Variants in AFG2A observed in about 807,000 individuals in gnomAD.
AFG2A encodes the protein ATPase family gene 2 protein homolog A.
chr4:122,957,056 T>C, the AFG2A span, among the ~76,000 whole-genome samples: 2 of 152,056 alleles, frequency 1.3e-5, no homozygotes, highest in South Asian at 2.1e-4. Flanking sequence ...GAGTAGATGA[T>C]ATTTTAGTGT....
chr4:123,308,772 A>G, the AFG2A span, among the ~76,000 whole-genome samples: 4 of 152,316 alleles, frequency 2.6e-5, no homozygotes, highest in South Asian at 6.2e-4. Flanking sequence ...TGAACATAGC[A>G]TGCATCTTTT....
chr4:123,243,982 A>G, the AFG2A span, among the ~76,000 whole-genome samples: 2 of 152,162 alleles, frequency 1.3e-5, no homozygotes, highest in Non-Finnish European at 2.9e-5. Context: ...TGATCGCGCT[A>G]CTGCAGTCCA....
At chr4:123,256,068 A>G in the AFG2A span, 1 of 1,614,072 alleles carries the variant, frequency 6.2e-7, no homozygotes, top group Non-Finnish European at 8.5e-7. Context: ...CCTTTACCGG[A>G]TGCAGCAACA....
the AFG2A span, among the ~76,000 whole-genome samples, chr4:123,072,001 T>C: frequency 6.6e-6 from 1 of 152,216 alleles, no homozygotes; most frequent in South Asian, 2.1e-4. Flanking sequence ...CTGTAGTAGA[T>C]ATTTCAGCTT....
At chr4:122,939,226 C>T in the AFG2A span, among the ~76,000 whole-genome samples, 1 of 151,888 alleles carries the variant, frequency 6.6e-6, no homozygotes, top group Non-Finnish European at 1.5e-5. Context: ...GCTGGGATTA[C>T]AGGCATGTAC....
the AFG2A span, among the ~76,000 whole-genome samples, chr4:123,300,718 TA>T: frequency 1.3e-5 from 2 of 151,394 alleles, no homozygotes; most frequent in Admixed American, 6.6e-5. Flanking sequence ...CTAGTGTGCT[TA>T]AATTTTCAGT....
At chr4:123,254,487 G>T in the AFG2A span, among the ~76,000 whole-genome samples, 1 of 152,126 alleles carries the variant, frequency 6.6e-6, no homozygotes, top group Admixed American at 6.5e-5. Flanking sequence ...TATAAGTTTT[G>T]AAGTCAAGTA....
chr4:123,161,080 A>G, the AFG2A span, among the ~76,000 whole-genome samples: 3 of 152,306 alleles, frequency 2.0e-5, no homozygotes, highest in South Asian at 2.1e-4. Context: ...CAATTCTTGC[A>G]TTGTATTGTA....
chr4:123,171,981 G>A, the AFG2A span, among the ~76,000 whole-genome samples: 3 of 151,988 alleles, frequency 2.0e-5, no homozygotes, highest in Admixed American at 6.6e-5. Flanking sequence ...TACACCTTTA[G>A]GAAAACATAG....
the AFG2A span, among the ~76,000 whole-genome samples, chr4:123,174,209 C>T: frequency 6.6e-6 from 1 of 152,164 alleles, no homozygotes; most frequent in African/African-American, 2.4e-5. Context: ...GCAGTGACTA[C>T]ACTTCAAAAT....
At chr4:123,177,835 T>C in the AFG2A span, among the ~76,000 whole-genome samples, 9 of 152,294 alleles carry the variant, frequency 5.9e-5, no homozygotes, top group Admixed American at 3.3e-4. Flanking sequence ...CATGGCCGCA[T>C]AGGGGACTAT....
At chr4:123,058,540 G>A in the AFG2A span, among the ~76,000 whole-genome samples, 1 of 152,156 alleles carries the variant, frequency 6.6e-6, no homozygotes, top group African/African-American at 2.4e-5. Context: ...CAGGAGAATT[G>A]CTTGAGCCCA....
At chr4:122,965,827 A>T in the AFG2A span, among the ~76,000 whole-genome samples, 1 of 152,168 alleles carries the variant, frequency 6.6e-6, no homozygotes, top group Non-Finnish European at 1.5e-5. Flanking sequence ...ATCTTTCATT[A>T]TGGGTTCCAG....
the AFG2A span, among the ~76,000 whole-genome samples, chr4:123,249,638 T>G: frequency 6.6e-6 from 1 of 152,178 alleles, no homozygotes; most frequent in Admixed American, 6.5e-5. Context: ...TTGATATCAC[T>G]GAGTAAACAT....
the AFG2A span, among the ~76,000 whole-genome samples, chr4:123,213,184 A>C: frequency 6.6e-6 from 1 of 152,140 alleles, no homozygotes; most frequent in African/African-American, 2.4e-5. Flanking sequence ...CAATATTTGA[A>C]GTTTTGATAC....
chr4:123,023,126 G>A, the AFG2A span, among the ~76,000 whole-genome samples: 6 of 151,092 alleles, frequency 4.0e-5, no homozygotes, highest in African/African-American at 1.5e-4. Flanking sequence ...CATGGCACAT[G>A]TATACATATG....
At chr4:123,278,146 T>C in the AFG2A span, among the ~76,000 whole-genome samples, 1 of 152,172 alleles carries the variant, frequency 6.6e-6, no homozygotes, top group Non-Finnish European at 1.5e-5. Context: ...TTAGAACTTG[T>C]TATTGGTCTG....
chr4:123,202,685 C>G, the AFG2A span, among the ~76,000 whole-genome samples: 2 of 152,158 alleles, frequency 1.3e-5, no homozygotes, highest in African/African-American at 2.4e-5. Context: ...GTGTGCAATG[C>G]AATTTGACCC....
At chr4:122,938,221 T>C in the AFG2A span, 1 of 1,606,620 alleles carries the variant, frequency 6.2e-7, no homozygotes, top group Non-Finnish European at 8.5e-7. Flanking sequence ...GTGGCTTCAC[T>C]CTTAACACTG....
Sources: gnomAD v4.1 joint callset for allele counts (sites outside exome capture counted in the v4.1 genomes callset) on GRCh38, gnomAD v4.1.1 for gene constraint, MANE v1.5 for transcripts, NCBI Gene and HGNC (gene_info 2026-07-23, HGNC 2026-07-21) for gene names.